Variants in PTPRD observed in about 807,000 individuals in gnomAD.
The protein encoded by PTPRD is receptor-type tyrosine-protein phosphatase delta.
PTPRD carries 34 observed loss-of-function variants against 214.5 expected under a neutral mutation model. The ratio of observed to expected loss-of-function variants is 0.16; its 90% CI spans 0.12 to 0.21. PTPRD has a LOEUF of 0.21. Ranked by LOEUF, PTPRD falls within the 10% of genes least tolerant of loss-of-function variation. The pLI is 1.00. For missense variants in PTPRD, 2,545 were observed against 2,398.7 expected (o/e 1.06, Z -1.27); for synonymous variants, 1,128 against 845.7 (o/e 1.33, Z -5.79).
chr9:8,725,641 TAGTG>T (rs1318417499), intron 12 of PTPRD, among the ~76,000 whole-genome samples: 1 of 152,190 alleles, frequency 6.6e-6, no homozygotes, highest in African/African-American at 2.4e-5. Flanking sequence ...TAACAACATT[TAGTG>T]AATATTTAAT....
At chr9:9,437,442 CA>C (rs971601063) in intron 8 of PTPRD, among the ~76,000 whole-genome samples, 15 of 39,274 alleles carry the variant, frequency 3.8e-4, no homozygotes, top group African/African-American at 2.0e-3. Context: ...TGAGGTGTAT[CA>C]GGTTTTTTTA....
rs185161427 is a variant in PTPRD, at chr9:9,059,181, A to G, written c.-142-40446T>C. On this transcript the variant is annotated intron_variant, in intron 10 of 45. Transcript: ENST00000381196. ...GAGGACCCAGATGAAGTCAGAAATCATAGTAGAGTCAATACATTTTCCGTT... is the reference window on the plus strand; with the variant it reads ...GAGGACCCAGATGAAGTCAGAAATCGTAGTAGAGTCAATACATTTTCCGTT... Among the ~76,000 whole-genome samples, 118 of 152,362 alleles carry G rather than the reference A, an allele frequency of 7.7e-4. No homozygotes were observed. In the Middle Eastern group the frequency reaches 0.041, roughly 53 times the overall value.
intron 7 of PTPRD, among the ~76,000 whole-genome samples, chr9:9,588,378 C>A (rs1376297356): frequency 6.6e-6 from 1 of 151,904 alleles, no homozygotes; most frequent in African/African-American, 2.4e-5. Context: ...TTAGATTGGT[C>A]ATTCAAACTG....
At position 9,999,090 on chromosome 9, in the gene PTPRD, G is replaced by C. The variant is rs190050953; in HGVS notation, c.-472+34628C>G. On this transcript the variant is annotated intron_variant, in intron 4 of 45. Transcript: ENST00000381196. ...CAAGGCATTAGCACAACTAGCAAATGGCCAACCCCAGGAAATGAAACCACG... is the reference window on the plus strand; with the variant it reads ...CAAGGCATTAGCACAACTAGCAAATCGCCAACCCCAGGAAATGAAACCACG... 1.2e-4 allele frequency among the ~76,000 whole-genome samples: 19 copies of C among 152,230 alleles called. No homozygotes were observed. In the East Asian group the frequency reaches 3.7e-3, roughly 29 times the overall value.
At chr9:9,530,046 T>A (rs917156687) in intron 8 of PTPRD, among the ~76,000 whole-genome samples, 3 of 151,872 alleles carry the variant, frequency 2.0e-5, no homozygotes, top group African/African-American at 7.3e-5. Context: ...AGTACCTACA[T>A]CAAACAAATA....
intron 34 of PTPRD, among the ~76,000 whole-genome samples, chr9:8,437,610 T>A (rs894934578): frequency 1.3e-5 from 2 of 152,160 alleles, no homozygotes; most frequent in East Asian, 1.9e-4. Context: ...ATGGCCACAC[T>A]AACAACTCTG....
rs2097920946 is a variant in PTPRD, at chr9:10,386,733, G to C, written c.-599-45716C>G. Among the ~76,000 whole-genome samples the C allele has an allele frequency of 4.6e-5, 7 of 151,904 alleles. No homozygotes were observed. The South Asian group carries it at 1.5e-3, about 32-fold the overall frequency. On this transcript the variant is annotated intron_variant, in intron 2 of 45. Transcript: ENST00000381196. ...GAGAGACAAATAAAAGAAGAGAGAA[G>C]AGAGACAATTCTACAATTCTGTGTT...
chr9:10,202,671 G>GATATATATATATATATATAT (rs77962535), intron 3 of PTPRD, among the ~76,000 whole-genome samples: 47 of 113,102 alleles, frequency 4.2e-4, no homozygotes, highest in Non-Finnish European at 6.0e-4. Flanking sequence ...AAATTATATG[G>GATATATATATATATATATAT]ATATATATAT....
At chr9:9,077,149 T>C (rs1267644100) in intron 10 of PTPRD, among the ~76,000 whole-genome samples, 1 of 91,804 alleles carries the variant, frequency 1.1e-5, no homozygotes, top group African/African-American at 3.7e-5. Context: ...AAAATCAGAT[T>C]ATTAGTTTTT....
rs192536740 is a variant in PTPRD, at chr9:10,321,658, T to A, written c.-545+19305A>T. 7.9e-5 allele frequency among the ~76,000 whole-genome samples: 12 copies of A among 152,134 alleles called. No individual in the cohort carries two copies. The East Asian group carries it at 1.6e-3, about 20-fold the overall frequency. ...CTTTAAGTATTAAAACAAAATCAAC[T>A]CTTTTATTTGTTTATTAAAAATTTA... On this transcript the variant is annotated intron_variant, in intron 3 of 45. Transcript: ENST00000381196.
At chr9:8,829,882 T>C (rs1601191572) in intron 11 of PTPRD, among the ~76,000 whole-genome samples, 1 of 152,176 alleles carries the variant, frequency 6.6e-6, no homozygotes, top group Non-Finnish European at 1.5e-5. Flanking sequence ...AAAACTAGTA[T>C]GAAGATTAAA....
chr9:9,208,932 C>A (rs978613599), intron 9 of PTPRD, among the ~76,000 whole-genome samples: 8 of 151,900 alleles, frequency 5.3e-5, no homozygotes, highest in Non-Finnish European at 8.8e-5. Context: ...CTCAGCCTCC[C>A]GAGTAGCTGG....
At chr9:10,156,957 C>CT (rs1245185737) in intron 3 of PTPRD, among the ~76,000 whole-genome samples, 2 of 152,112 alleles carry the variant, frequency 1.3e-5, no homozygotes, top group East Asian at 3.9e-4. Context: ...GCAACTTCTG[C>CT]TTTTTTCTGT....
At chr9:9,827,958 A>C (rs200425507) in intron 5 of PTPRD, among the ~76,000 whole-genome samples, 3 of 152,042 alleles carry the variant, frequency 2.0e-5, no homozygotes, top group Non-Finnish European at 4.4e-5. Flanking sequence ...AATGAGATAC[A>C]ATCTCACACC....
intron 9 of PTPRD, among the ~76,000 whole-genome samples, chr9:9,318,132 T>C (rs1327029034): frequency 6.6e-6 from 1 of 151,194 alleles, no homozygotes; most frequent in East Asian, 2.0e-4. Flanking sequence ...GATCGTGCCA[T>C]TGCACTCCAG....
At chr9:10,539,464 C>G (rs545777353) in intron 2 of PTPRD, among the ~76,000 whole-genome samples, 12 of 152,288 alleles carry the variant, frequency 7.9e-5, no homozygotes, top group Non-Finnish European at 1.6e-4. Context: ...GGATTACAGG[C>G]GTGAGCCACC....
At chr9:10,138,148 A>C (rs973688745) in intron 3 of PTPRD, among the ~76,000 whole-genome samples, 3 of 152,166 alleles carry the variant, frequency 2.0e-5, no homozygotes, top group African/African-American at 7.2e-5. Flanking sequence ...CTAGCTAGAT[A>C]AACAAAGAGA....
Position 9,955,208 on chromosome 9 carries a change from G to A in PTPRD, c.-471-16598C>T, listed in dbSNP as rs77322383. Among the ~76,000 whole-genome samples the A allele has an allele frequency of 2.8e-3, 429 of 152,272 alleles. 3 individuals carry two copies. The highest frequency in any genetic ancestry group is 9.4e-3 in the African/African-American group (390 of 41,554). On this transcript the variant is annotated intron_variant, in intron 4 of 45. Transcript: ENST00000381196. ...TCTCCAGTATAACACTGGAAAGGGAGCATGAAATTGATAAAGAACAAATGA... is the reference window on the plus strand; with the variant it reads ...TCTCCAGTATAACACTGGAAAGGGAACATGAAATTGATAAAGAACAAATGA...
chr9:9,927,782 G>C (rs981979436), intron 5 of PTPRD, among the ~76,000 whole-genome samples: 3 of 151,958 alleles, frequency 2.0e-5, no homozygotes, highest in African/African-American at 7.3e-5. Context: ...TTTAGTCATT[G>C]AGAGCCATCT....
Sources: allele counts gnomAD v4.1 joint callset (sites outside exome capture counted in the v4.1 genomes callset), GRCh38; gene constraint gnomAD v4.1.1; transcripts MANE v1.5; gene names NCBI Gene and HGNC (gene_info 2026-07-23, HGNC 2026-07-21).